NAALADL2: variants seen among roughly 807,000 people sequenced by gnomAD.
The protein encoded by NAALADL2 is inactive N-acetylated-alpha-linked acidic dipeptidase-like protein 2.
NAALADL2 carries 76 observed loss-of-function variants against 87.2 expected under a neutral mutation model. The observed-to-expected ratio is 0.87, with a 90% CI of 0.72 to 1.05. The LOEUF is 1.05. Among genes scored for constraint, NAALADL2 ranks in the 50% least tolerant of loss-of-function variants. The pLI, the probability that NAALADL2 is intolerant of heterozygous loss-of-function variation, is 0.00. For missense variants in NAALADL2, 1,089 were observed against 945.8 expected, an observed-to-expected ratio of 1.15 and a Z score of -1.99; for synonymous variants, 354 against 331.0, an observed-to-expected ratio of 1.07 and a Z score of -0.75.
At chr3:175,162,231 T>C (rs1029105057) in intron 2 of NAALADL2, among the ~76,000 whole-genome samples, 16 of 152,142 alleles carry the variant, frequency 1.1e-4, no homozygotes, top group Non-Finnish European at 7.4e-5. Flanking sequence ...CCCCATCAAT[T>C]AAATGCCTTG....
At chr3:174,641,583 G>A (rs1723190597) in intron 2 of NAALADL2, among the ~76,000 whole-genome samples, 2 of 152,116 alleles carry the variant, frequency 1.3e-5, no homozygotes, top group Non-Finnish European at 2.9e-5. Flanking sequence ...AATTCAACAC[G>A]TCAATGTACC....
intron 3 of NAALADL2, among the ~76,000 whole-genome samples, chr3:174,789,696 A>C (rs1717232597): frequency 6.6e-6 from 1 of 152,234 alleles, no homozygotes; most frequent in Admixed American, 6.5e-5. Context: ...AGATGACTTT[A>C]ACTGTATACC....
At chr3:175,595,754 G>A (rs75597255) in intron 10 of NAALADL2, among the ~76,000 whole-genome samples, 6,615 of 151,790 alleles carry the variant, frequency 0.044, 479 homozygotes, top group African/African-American at 0.15. Context: ...AGAAATGAAT[G>A]GAAAAACATT....
chr3:175,140,699 G>T (rs13319929), intron 2 of NAALADL2, among the ~76,000 whole-genome samples: 17,457 of 152,116 alleles, frequency 0.11, 1,160 homozygotes, highest in African/African-American at 0.17. Context: ...AACGGAGAAT[G>T]TTGAGATAGA....
At chr3:175,200,364 CTCTT>C (rs1580896334) in intron 2 of NAALADL2, among the ~76,000 whole-genome samples, 1 of 152,146 alleles carries the variant, frequency 6.6e-6, no homozygotes, top group East Asian at 1.9e-4. Context: ...TTCTCTCTCT[CTCTT>C]TTTTTCTTTA....
rs578038806 is a variant in NAALADL2 at position 175,513,088 on chromosome 3, T to G, written c.1653+41330T>G. ...TGCTGCCCCAGTTTCTGTGTGCTTC[T>G]TATTTCAGTTTTTCAGGAAGTAGAA... is the stretch of plus-strand genomic sequence containing the variant. On this transcript the variant is annotated intron_variant, in intron 9 of 13. Transcript: ENST00000454872. Among the ~76,000 whole-genome samples, 234 of 152,332 alleles carry G rather than the reference T, an allele frequency of 1.5e-3. 1 individual carries two copies. Among genetic ancestry groups the G allele is most frequent in the Non-Finnish European group, 2.5e-3 (171 of 68,034 alleles).
At chr3:175,073,065 G>A (rs1157696596) in intron 1 of NAALADL2, among the ~76,000 whole-genome samples, 1 of 151,918 alleles carries the variant, frequency 6.6e-6, no homozygotes, top group African/African-American at 2.4e-5. Context: ...ATACTGTTTA[G>A]AGTGTGCCAG....
intron 3 of NAALADL2, among the ~76,000 whole-genome samples, chr3:174,849,112 TGC>T (rs1272971954): frequency 1.3e-5 from 2 of 152,312 alleles, no homozygotes; most frequent in East Asian, 3.9e-4. Flanking sequence ...GAAGTTGTTC[TGC>T]GTGAGTCAGT....
chr3:175,509,228 G>A (rs561313521), intron 9 of NAALADL2, among the ~76,000 whole-genome samples: 1 of 151,992 alleles, frequency 6.6e-6, no homozygotes, highest in Non-Finnish European at 1.5e-5. Context: ...TGGCACTCAT[G>A]TCCTAGTTGT....
intron 2 of NAALADL2, among the ~76,000 whole-genome samples, chr3:174,552,282 A>C (rs1027286748): frequency 6.6e-6 from 1 of 152,216 alleles, no homozygotes; most frequent in Non-Finnish European, 1.5e-5. Flanking sequence ...GGTAATGCTC[A>C]GGGAGATTAA....
chr3:175,258,101 G>A (rs1480332870), intron 4 of NAALADL2, among the ~76,000 whole-genome samples: 1 of 152,082 alleles, frequency 6.6e-6, no homozygotes, highest in Admixed American at 6.6e-5. Context: ...GAGGTCAGGA[G>A]ATTGAGACCA....
chr3:175,189,269 G>A (rs143360930), intron 2 of NAALADL2, among the ~76,000 whole-genome samples: 146 of 152,254 alleles, frequency 9.6e-4, no homozygotes, highest in African/African-American at 3.3e-3. Flanking sequence ...TAATCTTCAA[G>A]TAGGAAAGAA....
chr3:174,572,283 C>G (rs1341501963), intron 2 of NAALADL2, among the ~76,000 whole-genome samples: 1 of 151,806 alleles, frequency 6.6e-6, no homozygotes, highest in Admixed American at 6.6e-5. Flanking sequence ...TGCTGCCACA[C>G]CTGGCTAAAA....
intron 3 of NAALADL2, among the ~76,000 whole-genome samples, chr3:175,236,969 G>A (rs1462564542): frequency 1.3e-5 from 2 of 152,160 alleles, no homozygotes; most frequent in East Asian, 3.9e-4. Flanking sequence ...CAAGTGTCCT[G>A]CGTTCAAGTA....
intron 11 of NAALADL2, among the ~76,000 whole-genome samples, chr3:175,635,187 A>T (rs1582713992): frequency 1.3e-5 from 2 of 152,114 alleles, no homozygotes; most frequent in East Asian, 3.8e-4. Flanking sequence ...AACAAATATA[A>T]TTTGTAAAGA....
At chr3:175,051,642 C>T (rs1001554046) in intron 1 of NAALADL2, among the ~76,000 whole-genome samples, 8 of 152,154 alleles carry the variant, frequency 5.3e-5, no homozygotes, top group African/African-American at 1.9e-4. Flanking sequence ...ATGGGCGCAA[C>T]ATCCTTTGTC....
At chr3:175,567,161 A>G (rs1717275830) in intron 9 of NAALADL2, among the ~76,000 whole-genome samples, 1 of 152,196 alleles carries the variant, frequency 6.6e-6, no homozygotes, top group South Asian at 2.1e-4. Context: ...CTAATGTTTT[A>G]AAAGAACAAA....
chr3:174,504,019 C>G lies in NAALADL2; in HGVS notation c.-183-46550C>G, dbSNP rs532365705. Among the ~76,000 whole-genome samples the G allele has an allele frequency of 3.9e-5, 6 of 152,160 alleles. No individual in the cohort carries two copies. In the South Asian group the frequency reaches 1.2e-3, roughly 32 times the overall value. On this transcript the variant is annotated intron_variant, in intron 1 of 3. Coordinates refer to the NAALADL2 transcript ENST00000434257. ...TTCATTTTTGCATATTATTCTAGAA[C>G]TTTAGTTAAAACAAAATGTTACTAT...
chr3:175,759,161 G>T (rs1747661925), intron 13 of NAALADL2, among the ~76,000 whole-genome samples: 1 of 152,052 alleles, frequency 6.6e-6, no homozygotes, highest in African/African-American at 2.4e-5. Context: ...GTGCAATACT[G>T]CTGGAAACTG....
Sources: allele counts gnomAD v4.1 joint callset (sites outside exome capture counted in the v4.1 genomes callset), GRCh38; gene constraint gnomAD v4.1.1; transcripts MANE v1.5; gene names NCBI Gene and HGNC (gene_info 2026-07-23, HGNC 2026-07-21).